CCDC102B: variants seen among roughly 807,000 people sequenced by gnomAD.
The protein encoded by CCDC102B is coiled-coil domain containing 102B.
In CCDC102B, 75 loss-of-function variants were observed where a neutral mutation model predicts 57.4. That is an observed-to-expected ratio of 1.31 (90% CI 1.08 to 1.58). The LOEUF is 1.58. CCDC102B is among the 40% of genes most tolerant of loss of function. CCDC102B has a pLI of 0.00. For missense variants in CCDC102B, 636 were observed against 582.6 expected (o/e 1.09, Z -0.94); for synonymous variants, 206 against 201.9 (o/e 1.02, Z -0.17).
intron 1 of CCDC102B, among the ~76,000 whole-genome samples, chr18:68,831,676 T>C (rs2037147025): frequency 6.6e-6 from 1 of 152,272 alleles, no homozygotes; most frequent in African/African-American, 2.4e-5. Context: ...TATAATTTGC[T>C]ACAGCGTAAG....
In CCDC102B at chr18:68,836,953, AC is replaced by A; in HGVS notation, c.192del (p.Asn65ThrfsTer61). On this transcript the variant is annotated frameshift_variant, in exon 2 of 8. Coordinates refer to ENST00000360242, the MANE Select transcript of CCDC102B (RefSeq NM_024781.3). LOFTEE classifies it high-confidence loss of function. ...CAATTTCTGTGCTCACTCATATAAC[AC>A]CAACAAATGGGATATTTGTGAAGAA... ...AHNFCAHSYN[T>X]NKWDICEELR... is the part of the protein sequence containing the mutation. 1 of 1,614,068 alleles carries A rather than the reference AC, an allele frequency of 6.2e-7. No homozygotes were observed. The highest frequency in any genetic ancestry group is 8.5e-7 in the Non-Finnish European group (1 of 1,180,018).
At chr18:68,959,028 G>A (rs542846008) in intron 6 of CCDC102B, among the ~76,000 whole-genome samples, 1 of 152,094 alleles carries the variant, frequency 6.6e-6, no homozygotes, top group Non-Finnish European at 1.5e-5. Flanking sequence ...TGTTTAGTGA[G>A]GTCATGTTTT....
intron 2 of CCDC102B, chr18:68,718,130 T>C (rs1280167429): frequency 1.3e-5 from 2 of 152,228 alleles, no homozygotes; most frequent in Non-Finnish European, 2.9e-5. Context: ...TTATTATTTA[T>C]AAATTACCAA....
rs867915432 is a variant in CCDC102B, at chr18:68,837,071, G to A, written c.308G>A (p.Arg103Lys). ...RWWSDCTANW[R>K]EKWSKVRAER... Reference sequence around the variant, plus strand: ...TGGTCGGACTGCACTGCCAACTGGAGAGAAAAATGGAGTAAAGTTCGAGCT... The same window carrying A: ...TGGTCGGACTGCACTGCCAACTGGAAAGAAAAATGGAGTAAAGTTCGAGCT... Residue 103 changes from arginine (R) to lysine (K), a missense_variant, in exon 2 of 8, where the codon AGA becomes AAA. Coordinates refer to ENST00000360242, the MANE Select transcript of CCDC102B (RefSeq NM_024781.3). The A allele has an allele frequency of 6.2e-6, 10 of 1,614,178 alleles. No homozygotes were observed. The highest frequency in any genetic ancestry group is 8.5e-6 in the Non-Finnish European group (10 of 1,180,036).
chr18:68,958,940 A>G (rs2049977667), intron 6 of CCDC102B, among the ~76,000 whole-genome samples: 1 of 152,144 alleles, frequency 6.6e-6, no homozygotes. Flanking sequence ...GATTTGTCAA[A>G]ATAACTATTT....
chr18:69,046,213 AC>A (rs982857830), intron 7 of CCDC102B, among the ~76,000 whole-genome samples: 1 of 152,114 alleles, frequency 6.6e-6, no homozygotes, highest in African/African-American at 2.4e-5. Flanking sequence ...TTACACTCCC[AC>A]CCAAAATGCA....
chr18:69,037,986 AT>A, intron 7 of CCDC102B, among the ~76,000 whole-genome samples: 1 of 152,122 alleles, frequency 6.6e-6, no homozygotes, highest in Middle Eastern at 3.4e-3. Flanking sequence ...TTAAATGTTG[AT>A]TTTTTATTGT....
At chr18:68,971,500 T>A (rs1400228643) in intron 6 of CCDC102B, among the ~76,000 whole-genome samples, 2 of 152,188 alleles carry the variant, frequency 1.3e-5, no homozygotes, top group East Asian at 3.8e-4. Context: ...CTTGCTGTAT[T>A]CATAGATCCC....
intron 4 of CCDC102B, among the ~76,000 whole-genome samples, chr18:68,858,485 C>A (rs2038584361): frequency 6.6e-6 from 1 of 152,038 alleles, no homozygotes. Context: ...AAATATTTAA[C>A]TTCCCCTCCT....
intron 6 of CCDC102B, among the ~76,000 whole-genome samples, chr18:68,915,512 C>T (rs1235139959): frequency 6.6e-6 from 1 of 152,042 alleles, no homozygotes; most frequent in Non-Finnish European, 1.5e-5. Flanking sequence ...TGTCCTTTGG[C>T]TGTATATACA....
At chr18:69,036,710 AG>A (rs1345507555) in intron 7 of CCDC102B, among the ~76,000 whole-genome samples, 4 of 152,068 alleles carry the variant, frequency 2.6e-5, no homozygotes, top group Non-Finnish European at 5.9e-5. Flanking sequence ...TGAAATGCAA[AG>A]GAGAGAAACA....
chr18:69,002,234 G>A (rs778827772), intron 6 of CCDC102B, among the ~76,000 whole-genome samples: 3 of 152,108 alleles, frequency 2.0e-5, no homozygotes, highest in Admixed American at 6.5e-5. Context: ...TTTCTTGCCC[G>A]CCCGACATGT....
chr18:68,881,346 A>T (rs546865504), intron 5 of CCDC102B, among the ~76,000 whole-genome samples: 1 of 152,336 alleles, frequency 6.6e-6, no homozygotes, highest in South Asian at 2.1e-4. Context: ...TGTAGGTCTC[A>T]TGTGCCTTGT....
intron 2 of CCDC102B, among the ~76,000 whole-genome samples, chr18:68,737,352 T>C (rs1159481301): frequency 1.3e-5 from 2 of 152,064 alleles, no homozygotes; most frequent in Non-Finnish European, 2.9e-5. Context: ...GGACCAATGA[T>C]AGCTCCCACT....
chr18:68,912,190 A>T (rs2040900373), intron 6 of CCDC102B, among the ~76,000 whole-genome samples: 1 of 151,986 alleles, frequency 6.6e-6, no homozygotes, highest in South Asian at 2.1e-4. Flanking sequence ...TAAGGTCTAT[A>T]TAGTTTCAGT....
intron 2 of CCDC102B, among the ~76,000 whole-genome samples, chr18:68,786,112 C>T (rs926843187): frequency 6.7e-6 from 1 of 148,770 alleles, no homozygotes; most frequent in African/African-American, 2.5e-5. Context: ...TTGTTTTTCT[C>T]AGGTTTGTCA....
chr18:68,906,038 C>T (rs917819688), intron 6 of CCDC102B, among the ~76,000 whole-genome samples: 5 of 152,094 alleles, frequency 3.3e-5, no homozygotes, highest in Admixed American at 3.3e-4. Context: ...CGTGATCCAC[C>T]TGCCTCGGCC....
intron 2 of CCDC102B, among the ~76,000 whole-genome samples, chr18:68,759,688 T>C (rs1336647620): frequency 6.6e-6 from 1 of 152,128 alleles, no homozygotes; most frequent in Non-Finnish European, 1.5e-5. Flanking sequence ...TTATAAGTCC[T>C]TTCTATCGAA....
intron 6 of CCDC102B, among the ~76,000 whole-genome samples, chr18:68,988,180 G>C (rs1447574167): frequency 6.6e-6 from 1 of 151,954 alleles, no homozygotes; most frequent in Non-Finnish European, 1.5e-5. Context: ...AAAAAAATGT[G>C]GTACGTATAC....
Sources: gnomAD v4.1 joint callset for allele counts (sites outside exome capture counted in the v4.1 genomes callset) on GRCh38, gnomAD v4.1.1 for gene constraint, MANE v1.5 for transcripts, NCBI Gene and HGNC (gene_info 2026-07-23, HGNC 2026-07-21) for gene names.